Variants in KCTD5 observed in about 807,000 individuals in gnomAD.
KCTD5 encodes the protein BTB/POZ domain-containing protein KCTD5.
A neutral mutation model predicts 27.9 loss-of-function variants in KCTD5; 12 were observed. The ratio of observed to expected loss-of-function variants is 0.43; its 90% confidence interval spans 0.28 to 0.70. The LOEUF is 0.70. KCTD5 is among the 30% of genes least tolerant of loss of function. The pLI, the probability that KCTD5 is intolerant of heterozygous loss-of-function variation, is 0.19. For missense variants in KCTD5, 226 were observed against 274.8 expected (o/e 0.82, Z 1.26); for synonymous variants, 147 against 121.4 (o/e 1.21, Z -1.39).
intron 4 of KCTD5, among the ~76,000 whole-genome samples, chr16:2,700,570 G>A (rs1394360121): frequency 1.3e-5 from 2 of 152,192 alleles, no homozygotes; most frequent in African/African-American, 4.8e-5. Flanking sequence ...CGACCTGGCT[G>A]CCACTGTTCC....
intron 3 of KCTD5, among the ~76,000 whole-genome samples, chr16:2,698,652 A>C (rs1342692350): frequency 1.0e-4 from 14 of 135,722 alleles, no homozygotes; most frequent in African/African-American, 3.5e-4. Context: ...TGTGTGCCGC[A>C]CTGTGGCCGC....
intron 1 of KCTD5, among the ~76,000 whole-genome samples, chr16:2,691,270 G>A (rs1411874734): frequency 6.6e-6 from 1 of 152,228 alleles, no homozygotes; most frequent in African/African-American, 2.4e-5. Flanking sequence ...GCCCTGGTGC[G>A]GATGTCCCTG....
In KCTD5 at chr16:2,682,791, C is replaced by A; in HGVS notation, c.243C>A (p.Asp81Glu). ...YRLCQADPDL[D>E]SDKDETGAYL... is the part of the protein sequence containing the mutation. Reference sequence around the variant, plus strand: ...TATGCCAGGCCGATCCCGACCTGGACTCAGACAAGGTGAGGGCCTCACGGG... The same window carrying A: ...TATGCCAGGCCGATCCCGACCTGGAATCAGACAAGGTGAGGGCCTCACGGG... The change falls in exon 1 of 6, where the codon GAC (aspartate) becomes GAA (glutamate). Residue 81 changes from aspartate to glutamate, a missense_variant. This residue lies in a region of KCTD5 where 135 missense variants were observed against 207.0 expected (regional missense o/e 0.65). Transcript: ENST00000301738. The A allele has an allele frequency of 1.3e-6, 2 of 1,596,662 alleles. No homozygotes were observed. Among genetic ancestry groups the A allele is most frequent in the Non-Finnish European group, 1.7e-6 (2 of 1,172,984 alleles).
chr16:2,682,886 T>C (rs970387054), intron 1 of KCTD5, 86 bp downstream of exon 1: 4 of 1,441,692 alleles, frequency 2.8e-6, no homozygotes, highest in Non-Finnish European at 3.6e-6. Flanking sequence ...CGGAGGAGAC[T>C]TCAGCGGGAG....
At chr16:2,702,584 C>T (rs910995680) in intron 5 of KCTD5, 106 bp downstream of exon 5, 44 of 1,436,154 alleles carry the variant, frequency 3.1e-5, no homozygotes, top group African/African-American at 2.8e-4. Flanking sequence ...TCCCGGTGTC[C>T]GCCCCTGGTG....
chr16:2,697,049 G>A (rs3094478), intron 2 of KCTD5: 41,084 of 152,388 alleles, frequency 0.27, 6,292 homozygotes, highest in Non-Finnish European at 0.33. Context: ...ATCCCGCCCC[G>A]ATGCAGCCAC....
intron 5 of KCTD5, among the ~76,000 whole-genome samples, chr16:2,704,461 G>A (rs1026994781): frequency 6.6e-6 from 1 of 152,230 alleles, no homozygotes; most frequent in Non-Finnish European, 1.5e-5. Flanking sequence ...AAGTGAAGGC[G>A]GTCCACACAT....
At chr16:2,690,769 A>G (rs1596221240) in intron 1 of KCTD5, among the ~76,000 whole-genome samples, 1 of 152,232 alleles carries the variant, frequency 6.6e-6, no homozygotes, top group Non-Finnish European at 1.5e-5. Context: ...CGGGCAGCAC[A>G]GGGGCCCTGC....
At chr16:2,702,331 C>G in intron 4 of KCTD5, 22 bp from the exon 5 acceptor site, 1 of 1,613,170 alleles carries the variant, frequency 6.2e-7, no homozygotes, top group Non-Finnish European at 8.5e-7. Flanking sequence ...TGGGCTGCGT[C>G]TCAGGCTATG....
Position 2,708,098 on chromosome 16 carries a change from G to A in KCTD5, c.*771G>A, listed in dbSNP as rs886366670. 23 of 152,826 alleles carry A rather than the reference G, an allele frequency of 1.5e-4. No individual in the cohort carries two copies. Among genetic ancestry groups the A allele is most frequent in the Admixed American group, 6.5e-5 (1 of 15,300 alleles). The allele number at this position is 152,826 out of a possible 1,614,324, so 9.5% of individuals were successfully genotyped here. On this transcript the variant is annotated 3_prime_UTR_variant, in exon 6 of 6. Transcript: ENST00000301738. ...TCCGTTAGCGCGAGGTAGCAGTGTC[G>A]CCTCGCCCCTCCCACTGCGGGCTCA...
At chr16:2,690,389 G>C (rs1350225259) in intron 1 of KCTD5, among the ~76,000 whole-genome samples, 3 of 152,254 alleles carry the variant, frequency 2.0e-5, no homozygotes, top group South Asian at 4.1e-4. Context: ...CTGGAGATGG[G>C]TGGCTCAGCC....
chr16:2,682,608 G>T lies in KCTD5; in HGVS notation c.60G>T (p.Leu20=), dbSNP rs1218642129. Residue 20 remains leucine, a synonymous_variant, in exon 1 of 6, where the codon CTG becomes CTT. Transcript: ENST00000301738. ...SPARGGIGAG[L]GGGLCRRCSA... ...CCCGGGGCGGCATCGGGGCGGGGCT[G>T]GGGGGCGGCCTGTGCCGCCGCTGCA... is the stretch of plus-strand genomic sequence containing the variant. The T allele has an allele frequency of 5.3e-6, 8 of 1,520,036 alleles. No homozygotes were observed. The highest frequency in any genetic ancestry group is 1.4e-5 in the African/African-American group (1 of 69,132). 94.2% of individuals were successfully genotyped at this position (1,520,036 alleles called of 1,614,324 possible).
intron 1 of KCTD5, among the ~76,000 whole-genome samples, chr16:2,690,731 G>A (rs920721410): frequency 6.6e-6 from 1 of 152,246 alleles, no homozygotes; most frequent in Non-Finnish European, 1.5e-5. Flanking sequence ...TGTCATGGGG[G>A]CTTGGGCAGG....
intron 5 of KCTD5, 149 bp from the exon 6 acceptor site, chr16:2,707,149 G>T: frequency 1.5e-6 from 1 of 659,680 alleles, no homozygotes. Context: ...CCTGCCAGCT[G>T]AGTCCCCAAG....
intron 1 of KCTD5, among the ~76,000 whole-genome samples, chr16:2,691,766 A>T (rs1392662702): frequency 6.6e-6 from 1 of 152,030 alleles, no homozygotes; most frequent in Non-Finnish European, 1.5e-5. Flanking sequence ...GGTTGGCAAC[A>T]AGCATCTGGA....
rs1056857517 is a variant in KCTD5, at chr16:2,691,021, G to A, written c.253-4914G>A. Among the ~76,000 whole-genome samples, 5 of 152,200 alleles carry A rather than the reference G, an allele frequency of 3.3e-5. No individual in the cohort carries two copies. In the East Asian group the frequency reaches 5.8e-4, roughly 18 times the overall value. On this transcript the variant is annotated intron_variant, in intron 1 of 5. Coordinates refer to ENST00000301738, the MANE Select transcript of KCTD5 (RefSeq NM_018992.4). Reference sequence around the variant, plus strand: ...CTGTCTGGGCCTGGGCTGGCACCACGAGTAGCCCCCGCACACATTAGGCCG... The same window carrying A: ...CTGTCTGGGCCTGGGCTGGCACCACAAGTAGCCCCCGCACACATTAGGCCG...
At position 2,702,431 on chromosome 16, in the gene KCTD5, C is replaced by T. The variant is rs2067616302; in HGVS notation, c.628C>T (p.His210Tyr). The change falls in exon 5 of 6, where the codon CAC (histidine) becomes TAC (tyrosine). Residue 210 changes from histidine (H) to tyrosine (Y), a missense_variant. His to Tyr is a moderately conservative substitution (Grantham distance 83, BLOSUM62 2). Coordinates refer to ENST00000301738, the MANE Select transcript of KCTD5 (RefSeq NM_018992.4). ...EFLCVVSKEL[H>Y]NTPYGTASEP... ...CCTCTGTGTGGTGTCCAAGGAGCTG[C>T]ACAACACCCCGTACGGTACGGCCAG... 2 of 1,613,428 alleles carry T rather than the reference C, an allele frequency of 1.2e-6. No individual in the cohort carries two copies. Among genetic ancestry groups the T allele is most frequent in the South Asian group, 2.2e-5 (2 of 91,086 alleles).
At chr16:2,699,190 G>A (rs1231462864) in intron 3 of KCTD5, 2 of 456,098 alleles carry the variant, frequency 4.4e-6, no homozygotes, top group Non-Finnish European at 8.8e-6. Context: ...CGTAGTGACT[G>A]TCCAGGATGT....
In KCTD5 at chr16:2,707,641, ATCGTGTGAAGGAAGCGT is replaced by A; in HGVS notation, c.*317_*333del. On this transcript the variant is annotated 3_prime_UTR_variant, in exon 6 of 6. Coordinates refer to ENST00000301738, the MANE Select transcript of KCTD5 (RefSeq NM_018992.4). ...CCAGTCAGCCCGCTCGATCCTGAAGATCGTGTGAAGGAAGCGTTCTTGGTGCTACACACAGTCTGGAA... is the reference window on the plus strand; with the variant it reads ...CCAGTCAGCCCGCTCGATCCTGAAGATCTTGGTGCTACACACAGTCTGGAA... 1 of 595,178 alleles carries A rather than the reference ATCGTGTGAAGGAAGCGT, an allele frequency of 1.7e-6. No individual in the cohort carries two copies. The highest frequency in any genetic ancestry group is 3.0e-6 in the Non-Finnish European group (1 of 334,380). The allele number at this position is 595,178 out of a possible 1,614,324, so 36.9% of individuals were successfully genotyped here.
Sources: gnomAD v4.1 joint callset for allele counts (sites outside exome capture counted in the v4.1 genomes callset) on GRCh38, gnomAD v4.1.1 for gene constraint, gnomAD v4.1.1 regional missense constraint, MANE v1.5 for transcripts, NCBI Gene and HGNC (gene_info 2026-07-23, HGNC 2026-07-21) for gene names.